Variants in ST18 observed in about 807,000 individuals in gnomAD.
The protein encoded by ST18 is suppression of tumorigenicity 18 protein.
Under a neutral mutation model 110.0 loss-of-function variants are expected in ST18, and 50 were observed. That is an observed-to-expected ratio of 0.45 (90% confidence interval 0.36 to 0.58). ST18 has a LOEUF of 0.58. Among genes scored for constraint, ST18 ranks in the 20% least tolerant of loss-of-function variants. The pLI is 0.00. For synonymous variants in ST18, 461 were observed against 452.4 expected (o/e 1.02, Z -0.24); for missense variants, 1,306 against 1,280.1 (o/e 1.02, Z -0.31).
intron 2 of ST18, among the ~76,000 whole-genome samples, chr8:52,321,138 T>C (rs1803708052): frequency 1.3e-5 from 2 of 152,162 alleles, no homozygotes; most frequent in Non-Finnish European, 2.9e-5. Flanking sequence ...TGTTTATGCC[T>C]ATATGCATGT....
intron 2 of ST18, among the ~76,000 whole-genome samples, chr8:52,251,776 A>G (rs1158879298): frequency 6.6e-6 from 1 of 152,062 alleles, no homozygotes; most frequent in Admixed American, 6.6e-5. Context: ...AGATGGAACC[A>G]TTTCTGAAGC....
chr8:52,200,323 T>C (rs919418340), intron 8 of ST18, among the ~76,000 whole-genome samples: 14 of 152,156 alleles, frequency 9.2e-5, no homozygotes, highest in African/African-American at 3.4e-4. Flanking sequence ...TTGCAAAGGC[T>C]AAGGTCAAGG....
rs149613866 is a variant in ST18, at chr8:52,388,576, G to C, written c.-465+20752C>G. Among the ~76,000 whole-genome samples the C allele has an allele frequency of 6.3e-3, 958 of 152,210 alleles. 5 individuals carry two copies. The highest frequency in any genetic ancestry group is 0.034 in the Middle Eastern group (10 of 294). On this transcript the variant is annotated intron_variant, in intron 2 of 25. Transcript: ENST00000689386. ...AGTATTGGTCCCAGTCTCCCCATCA[G>C]CCCCAGGGTGCTTGTTGAGTGATTT...
chr8:52,375,440 C>G (rs1443965060), intron 2 of ST18, among the ~76,000 whole-genome samples: 1 of 146,002 alleles, frequency 6.8e-6, no homozygotes, highest in South Asian at 2.3e-4. Context: ...TTTACTGAAC[C>G]AAGAAGCAGC....
chr8:52,292,598 T>G (rs2095572954), intron 2 of ST18, among the ~76,000 whole-genome samples: 3 of 152,256 alleles, frequency 2.0e-5, no homozygotes, highest in African/African-American at 7.2e-5. Flanking sequence ...AATAAGCTAC[T>G]GACACACTGT....
At chr8:52,260,525 G>A (rs1445767941) in intron 2 of ST18, among the ~76,000 whole-genome samples, 1 of 149,198 alleles carries the variant, frequency 6.7e-6, no homozygotes, top group Non-Finnish European at 1.5e-5. Flanking sequence ...ATCATGGACT[G>A]TAGGTGATCT....
chr8:52,309,961 T>G (rs2095876823), intron 2 of ST18, among the ~76,000 whole-genome samples: 2 of 152,206 alleles, frequency 1.3e-5, no homozygotes, highest in Admixed American at 1.3e-4. Context: ...ACGTGCATCA[T>G]GTATACTGTG....
At chr8:52,119,493 A>C (rs1042060801) in intron 23 of ST18, among the ~76,000 whole-genome samples, 1 of 152,132 alleles carries the variant, frequency 6.6e-6, no homozygotes, top group Non-Finnish European at 1.5e-5. Context: ...ATTGGTTTGA[A>C]AGAGATCTGG....
intron 2 of ST18, among the ~76,000 whole-genome samples, chr8:52,368,362 G>A (rs1203214060): frequency 6.6e-6 from 1 of 152,172 alleles, no homozygotes; most frequent in African/African-American, 2.4e-5. Context: ...ACAAAATTTG[G>A]AGAAATGTTA....
At chr8:52,286,865 C>G (rs76232242) in intron 2 of ST18, among the ~76,000 whole-genome samples, 1 of 151,786 alleles carries the variant, frequency 6.6e-6, no homozygotes, top group Non-Finnish European at 1.5e-5. Flanking sequence ...GCACCCCAGA[C>G]TTCCTGAATC....
intron 16 of ST18, among the ~76,000 whole-genome samples, chr8:52,148,029 A>C (rs1402312356): frequency 1.3e-5 from 2 of 152,136 alleles, no homozygotes; most frequent in Non-Finnish European, 2.9e-5. Flanking sequence ...TAGATGATAC[A>C]CGTAGACATA....
chr8:52,226,617 T>C (rs2089541276), intron 3 of ST18, among the ~76,000 whole-genome samples: 1 of 152,180 alleles, frequency 6.6e-6, no homozygotes. Context: ...TCGAAAGAAA[T>C]AAAAGTTATT....
At chr8:52,163,026 G>A (rs2061865395) in intron 13 of ST18, among the ~76,000 whole-genome samples, 1 of 152,086 alleles carries the variant, frequency 6.6e-6, no homozygotes, top group South Asian at 2.1e-4. Context: ...AATCTTTTAA[G>A]AAATGAGCAA....
intron 2 of ST18, among the ~76,000 whole-genome samples, chr8:52,379,640 A>G (rs1833793597): frequency 1.3e-5 from 2 of 152,240 alleles, no homozygotes; most frequent in Non-Finnish European, 2.9e-5. Context: ...TCACAAATAC[A>G]TAAAATATTA....
At chr8:52,165,846 T>C (rs2062801384) in intron 11 of ST18, among the ~76,000 whole-genome samples, 1 of 152,236 alleles carries the variant, frequency 6.6e-6, no homozygotes, top group Non-Finnish European at 1.5e-5. Context: ...TTGCAATTTG[T>C]TTTGGCCCAA....
chr8:52,393,842 C>G (rs562900554), intron 2 of ST18: 4 of 141,390 alleles, frequency 2.8e-5, no homozygotes, highest in Non-Finnish European at 6.0e-5. Context: ...GAGACTGTGC[C>G]ATTGTACTCC....
At chr8:52,381,904 C>G (rs1056499074) in intron 2 of ST18, among the ~76,000 whole-genome samples, 6 of 148,162 alleles carry the variant, frequency 4.0e-5, no homozygotes, top group African/African-American at 1.5e-4. Context: ...TGAACAAATT[C>G]ATGAAATTTA....
chr8:52,274,893 C>A (rs2095189950), intron 2 of ST18, among the ~76,000 whole-genome samples: 1 of 151,996 alleles, frequency 6.6e-6, no homozygotes, highest in Non-Finnish European at 1.5e-5. Context: ...GAAAGAGTGT[C>A]ATTTTGTTTA....
chr8:52,162,307 G>C (rs1313062746), intron 13 of ST18, among the ~76,000 whole-genome samples: 1 of 152,128 alleles, frequency 6.6e-6, no homozygotes, highest in Non-Finnish European at 1.5e-5. Context: ...CATTAGATTG[G>C]CAATGAATAG....
Sources: gnomAD v4.1 joint callset for allele counts (sites outside exome capture counted in the v4.1 genomes callset) on GRCh38, gnomAD v4.1.1 for gene constraint, MANE v1.5 for transcripts, NCBI Gene and HGNC (gene_info 2026-07-23, HGNC 2026-07-21) for gene names.